NDC80: variants seen among roughly 807,000 people sequenced by gnomAD.
The protein encoded by NDC80 is NDC80 kinetochore complex component, also known as kinetochore protein NDC80 homolog.
Under a neutral mutation model 89.3 loss-of-function variants are expected in NDC80, and 69 were observed. The observed-to-expected ratio is 0.77, with a 90% CI of 0.64 to 0.94. The LOEUF is 0.94. NDC80 is among the 40% of genes least tolerant of loss of function. The probability of loss-of-function intolerance (pLI) is 0.00; values close to 1 mark genes in which losing one functional copy is unlikely to be tolerated. For missense variants in NDC80, 593 were observed against 739.6 expected, an observed-to-expected ratio of 0.80 and a Z score of 2.30; for synonymous variants, 243 against 255.6, an observed-to-expected ratio of 0.95 and a Z score of 0.47.
chr18:2,598,163 C>T (rs990890854), intron 11 of NDC80, among the ~76,000 whole-genome samples: 84 of 152,152 alleles, frequency 5.5e-4, no homozygotes, highest in African/African-American at 1.9e-3. Flanking sequence ...CAAGTTCCAA[C>T]GTGTGCTCTT....
intron 6 of NDC80, 28 bp downstream of exon 6, chr18:2,579,057 T>G: frequency 7.3e-7 from 1 of 1,371,710 alleles, no homozygotes; most frequent in African/African-American, 1.5e-5. Context: ...TTGAAATGTA[T>G]ACATGGGAAA....
chr18:2,614,815 G>C (rs1047159167), intron 16 of NDC80: 1 of 153,116 alleles, frequency 6.5e-6, no homozygotes, highest in Non-Finnish European at 1.5e-5. Context: ...TTTGGAAGTA[G>C]GATCTTTGCA....
chr18:2,597,421 T>C (rs2072662586), intron 11 of NDC80, among the ~76,000 whole-genome samples: 1 of 152,114 alleles, frequency 6.6e-6, no homozygotes, highest in Non-Finnish European at 1.5e-5. Context: ...GAAATTACTA[T>C]CATTCTCTAA....
intron 10 of NDC80, among the ~76,000 whole-genome samples, chr18:2,591,772 T>TTTA (rs2072628626): frequency 6.9e-6 from 1 of 143,904 alleles, no homozygotes; most frequent in African/African-American, 2.5e-5. Context: ...TTTTTTTTTT[T>TTTA]GAGATGTAGT....
intron 15 of NDC80, among the ~76,000 whole-genome samples, chr18:2,610,287 G>T (rs2072736029): frequency 6.6e-6 from 1 of 152,144 alleles, no homozygotes; most frequent in South Asian, 2.1e-4. Context: ...TCTATTTTGA[G>T]ATTGCAAGTA....
chr18:2,600,533 C>T (rs1568007635), intron 12 of NDC80, among the ~76,000 whole-genome samples: 4 of 151,580 alleles, frequency 2.6e-5, no homozygotes, highest in South Asian at 4.2e-4. Context: ...CGCTTGAACC[C>T]GGAGGCAGAG....
intron 5 of NDC80, 127 bp downstream of exon 5, chr18:2,578,268 T>C: frequency 1.2e-6 from 1 of 863,902 alleles, no homozygotes. Flanking sequence ...GGGCAATATA[T>C]GTAGGATAAA....
chr18:2,600,362 G>T (rs548486826), intron 12 of NDC80, among the ~76,000 whole-genome samples: 1 of 152,160 alleles, frequency 6.6e-6, no homozygotes, highest in African/African-American at 2.4e-5. Context: ...TGTAATCCCA[G>T]CACTTTGGGA....
chr18:2,577,958 AATT>A lies in NDC80; in HGVS notation c.304-7_304-5del, dbSNP rs751065263. ...TACAAAACGTTTGGTGGTTCATAAA[AATT>A]ATTGTAGTTTCTTACAGAAAATGGT... is the stretch of plus-strand genomic sequence containing the variant. On this transcript the variant is annotated splice_region_variant and splice_polypyrimidine_tract_variant and intron_variant, in intron 4 of 16. Coordinates refer to ENST00000261597, the MANE Select transcript of NDC80 (RefSeq NM_006101.3). 1.2e-6 allele frequency: 2 copies of A among 1,609,948 alleles called. No homozygotes were observed. Among genetic ancestry groups the A allele is most frequent in the South Asian group, 2.2e-5 (2 of 90,592 alleles).
intron 15 of NDC80, 146 bp from the exon 16 acceptor site, chr18:2,610,613 A>G: frequency 2.2e-6 from 1 of 450,058 alleles, no homozygotes; most frequent in Non-Finnish European, 4.1e-6. Context: ...TGATAGTGGG[A>G]CCTCTACAAA....
At chr18:2,592,884 T>G (rs1404861463) in intron 10 of NDC80, among the ~76,000 whole-genome samples, 1 of 152,106 alleles carries the variant, frequency 6.6e-6, no homozygotes, top group Non-Finnish European at 1.5e-5. Flanking sequence ...ATAAAAATGC[T>G]AATCATGTTC....
Position 2,614,764 on chromosome 18 carries a change from G to A in NDC80, c.1792-1673G>A, listed in dbSNP as rs547229582. ...TGTACTAGGTTGAATAGTGCCCCCC[G>A]CAAAAGTCATGTCTATCCTAAATCA... On this transcript the variant is annotated intron_variant, in intron 16 of 16. Transcript: ENST00000261597. 2.1e-3 allele frequency among the ~76,000 whole-genome samples: 327 copies of A among 152,250 alleles called. 1 individual carries two copies. The highest frequency in any genetic ancestry group is 4.0e-3 in the Non-Finnish European group (274 of 68,020).
intron 16 of NDC80, chr18:2,615,455 C>G (rs1342884719): frequency 6.6e-6 from 1 of 152,504 alleles, no homozygotes; most frequent in Non-Finnish European, 1.5e-5. Context: ...TCTCTGCCCT[C>G]TGCTGCTGTC....
intron 8 of NDC80, among the ~76,000 whole-genome samples, chr18:2,588,606 G>C (rs2072613107): frequency 6.6e-6 from 1 of 152,146 alleles, no homozygotes; most frequent in Admixed American, 6.5e-5. Flanking sequence ...CAATCACTTT[G>C]CCAGTATTAT....
chr18:2,575,018 G>A lies in NDC80; in HGVS notation c.131G>A (p.Ser44Asn), dbSNP rs760910201. ...GAGAAACCAACCTTTGGAAAGTTGA[G>A]TATAAACAAACCGACATCTGAAAGA... The part of the protein sequence containing the change: ...TKEKPTFGKL[S>N]INKPTSERKV... Residue 44 changes from serine to asparagine, a missense_variant, in exon 3 of 17, where the codon AGT (serine) becomes AAT (asparagine). Transcript: ENST00000261597. The A allele has an allele frequency of 1.9e-6, 3 of 1,611,732 alleles. No homozygotes were observed. Among genetic ancestry groups the A allele is most frequent in the Middle Eastern group, 3.3e-4 (2 of 6,052 alleles).
intron 2 of NDC80, 88 bp downstream of exon 2, chr18:2,573,174 A>G (rs2072527934): frequency 9.6e-7 from 1 of 1,043,782 alleles, no homozygotes; most frequent in Non-Finnish European, 1.4e-6. Context: ...AAGATGTAAT[A>G]TGAGTGATGT....
rs116134422 is a variant in NDC80 at position 2,612,593 on chromosome 18, T to C, written c.1791+1732T>C. Among the ~76,000 whole-genome samples the C allele has an allele frequency of 6.9e-3, 1,047 of 152,220 alleles. 18 individuals carry two copies. Among genetic ancestry groups the C allele is most frequent in the African/African-American group, 0.024 (991 of 41,554 alleles). On this transcript the variant is annotated intron_variant, in intron 16 of 16. Transcript: ENST00000261597. Reference sequence around the variant, plus strand: ...CATGAGCCACTCGCCTGGCAGTGATTTTCTATTATCTGCAGCTCTATTGTC... The same window carrying C: ...CATGAGCCACTCGCCTGGCAGTGATCTTCTATTATCTGCAGCTCTATTGTC...
intron 10 of NDC80, among the ~76,000 whole-genome samples, chr18:2,591,139 G>A (rs2072625562): frequency 6.6e-6 from 1 of 152,040 alleles, no homozygotes; most frequent in South Asian, 2.1e-4. Flanking sequence ...GAAACTGATT[G>A]AAAATCAAAA....
At chr18:2,601,213 A>G (rs1238521086) in intron 12 of NDC80, among the ~76,000 whole-genome samples, 183 bp from the exon 13 acceptor site, 2 of 152,220 alleles carry the variant, frequency 1.3e-5, no homozygotes, top group African/African-American at 4.8e-5. Flanking sequence ...GTTATAGTCT[A>G]CACTTACAGA....
Sources: gnomAD v4.1 joint callset for allele counts (sites outside exome capture counted in the v4.1 genomes callset) on GRCh38, gnomAD v4.1.1 for gene constraint, MANE v1.5 for transcripts, NCBI Gene and HGNC (gene_info 2026-07-23, HGNC 2026-07-21) for gene names.